The following AKAP13 variants were observed in gnomAD, a reference collection of about 807,000 sequenced individuals.
AKAP13 encodes A-kinase anchoring protein 13, also known as A-kinase anchor protein 13.
In AKAP13, 80 loss-of-function variants were observed where a neutral mutation model predicts 264.5. The observed-to-expected ratio is 0.30, with a 90% CI of 0.25 to 0.36. The LOEUF (loss-of-function observed/expected upper bound fraction) is 0.36, where lower values mean the gene tolerates loss of function less well. AKAP13 is among the 10% of genes least tolerant of loss of function. The pLI is 1.00. For synonymous variants in AKAP13, 1,380 were observed against 1,250.2 expected (o/e 1.10, Z -2.19); for missense variants, 3,712 against 3,435.2 (o/e 1.08, Z -2.01).
At chr15:85,732,764 G>T (rs1246685810) in intron 30 of AKAP13, among the ~76,000 whole-genome samples, 1 of 148,776 alleles carries the variant, frequency 6.7e-6, no homozygotes, top group Non-Finnish European at 1.5e-5. Flanking sequence ...AATTACTATT[G>T]CTAATACTGT....
In AKAP13 at chr15:85,715,882, T is replaced by A. The variant is rs772278609; in HGVS notation, c.5694T>A (p.Ser1898Arg). 24 of 1,612,712 alleles carry A rather than the reference T, an allele frequency of 1.5e-5. No individual in the cohort carries two copies. The highest frequency in any genetic ancestry group is 3.4e-5 in the Admixed American group (2 of 59,692). ...PIFANRRSQQ[S>R]VSLSKSVSIQ... Reference sequence around the variant, plus strand: ...TTGCCAATAGACGATCCCAGCAGAGTGTCTCGCTCTCCAAAAGTGTCTCCA... The same window carrying A: ...TTGCCAATAGACGATCCCAGCAGAGAGTCTCGCTCTCCAAAAGTGTCTCCA... The change falls in exon 20 of 37, where the codon AGT becomes AGA. Residue 1898 changes from serine to arginine, a missense_variant. Physicochemically the swap from Ser to Arg is moderately radical, Grantham distance 110. Transcript: ENST00000394518.
chr15:85,678,751 C>T (rs1481551226), intron 14 of AKAP13, among the ~76,000 whole-genome samples: 5 of 151,898 alleles, frequency 3.3e-5, no homozygotes, highest in African/African-American at 1.2e-4. Context: ...CACCTGTAGT[C>T]GCAGTTACTT....
Position 85,579,044 on chromosome 15 carries a change from G to T in AKAP13, c.976G>T (p.Asp326Tyr), listed in dbSNP as rs773251286. Residue 326 changes from aspartate (D) to tyrosine (Y), a missense_variant, in exon 7 of 37, where the codon GAC becomes TAC. By Grantham distance (160) the Asp-to-Tyr change is radical. Coordinates refer to ENST00000394518, the MANE Select transcript of AKAP13 (RefSeq NM_007200.5). ...TCTTCCCTGTGCACCGGAGCCCACG[G>T]ACCCTCAGCGACTTTCTTCTTCTGA... is the stretch of plus-strand genomic sequence containing the variant. ...QFLPCAPEPTDPQRLSSSEET... is the reference protein window; with the variant it reads ...QFLPCAPEPTYPQRLSSSEET... 1.2e-6 allele frequency: 2 copies of T among 1,614,146 alleles called. No individual in the cohort carries two copies. The highest frequency in any genetic ancestry group is 4.5e-5 in the East Asian group (2 of 44,876).
At chr15:85,542,911 G>A (rs1596479476) in intron 4 of AKAP13, among the ~76,000 whole-genome samples, 1 of 152,278 alleles carries the variant, frequency 6.6e-6, no homozygotes, top group South Asian at 2.1e-4. Context: ...TGAGGTGTTG[G>A]TATCTCACTT....
chr15:85,481,742 A>C (rs2151046601), intron 1 of AKAP13, among the ~76,000 whole-genome samples: 1 of 152,310 alleles, frequency 6.6e-6, no homozygotes, highest in Admixed American at 6.5e-5. Context: ...TCCTCTTCAC[A>C]GTCTTTAAAT....
At chr15:85,575,886 T>G (rs767383059) in intron 6 of AKAP13, among the ~76,000 whole-genome samples, 3 of 152,168 alleles carry the variant, frequency 2.0e-5, no homozygotes, top group Non-Finnish European at 4.4e-5. Flanking sequence ...CTTGGGGGTC[T>G]GAGGCAGGCA....
rs187510488 is a variant in AKAP13 at position 85,737,021 on chromosome 15, C to T, written c.7557+887C>T. 2.6e-3 allele frequency among the ~76,000 whole-genome samples: 389 copies of T among 147,588 alleles called. 1 individual carries two copies. The highest frequency in any genetic ancestry group is 8.5e-3 in the African/African-American group (338 of 39,758). The stretch of plus-strand genomic sequence containing the variant: ...GCAACCTCCATCTCCTGGATTCAAG[C>T]GATTCCCCTGCCTCAGCCTCCCGAG... On this transcript the variant is annotated intron_variant, in intron 33 of 36. Coordinates refer to ENST00000394518, the MANE Select transcript of AKAP13 (RefSeq NM_007200.5).
At chr15:85,387,188 T>G (rs2070610119) in intron 1 of AKAP13, among the ~76,000 whole-genome samples, 1 of 151,812 alleles carries the variant, frequency 6.6e-6, no homozygotes. Context: ...ATACAAAAAA[T>G]AGCTGGGCGT....
chr15:85,504,919 C>G (rs111390681), intron 2 of AKAP13, among the ~76,000 whole-genome samples: 5,377 of 152,006 alleles, frequency 0.035, 150 homozygotes, highest in Non-Finnish European at 0.057. Context: ...CCCTCTCCCC[C>G]TCTCCCCCTC....
intron 1 of AKAP13, among the ~76,000 whole-genome samples, chr15:85,473,050 A>T (rs1294518101): frequency 6.6e-6 from 1 of 152,232 alleles, no homozygotes; most frequent in Non-Finnish European, 1.5e-5. Context: ...GTGTTTCATA[A>T]AATCACTGTT....
intron 21 of AKAP13, 100 bp from the exon 22 acceptor site, chr15:85,717,907 G>A: frequency 8.6e-7 from 1 of 1,165,344 alleles, no homozygotes; most frequent in South Asian, 1.5e-5. Flanking sequence ...CTGTATTCAT[G>A]TGTCTTATGA....
chr15:85,640,115 G>A (rs1596844246), intron 9 of AKAP13, among the ~76,000 whole-genome samples: 1 of 152,174 alleles, frequency 6.6e-6, no homozygotes, highest in Admixed American at 6.5e-5. Context: ...CTCTAACTCT[G>A]TGTGATGTAA....
intron 8 of AKAP13, among the ~76,000 whole-genome samples, chr15:85,606,090 CT>C (rs369008646): frequency 1.8e-4 from 16 of 88,360 alleles, no homozygotes; most frequent in East Asian, 1.6e-3. Flanking sequence ...GTTTGATCTA[CT>C]TTTTTTTTTT....
chr15:85,385,365 A>G (rs7179977), intron 1 of AKAP13, among the ~76,000 whole-genome samples: 33,308 of 152,014 alleles, frequency 0.22, 4,658 homozygotes, highest in African/African-American at 0.38. Context: ...TTTAGTCTCT[A>G]TTTTTTCATT....
intron 1 of AKAP13, among the ~76,000 whole-genome samples, chr15:85,413,681 C>T (rs1412521899): frequency 6.6e-6 from 1 of 152,176 alleles, no homozygotes; most frequent in African/African-American, 2.4e-5. Context: ...ATCACGGTTT[C>T]AGCTCCGGAC....
At chr15:85,473,418 C>T (rs1226504277) in intron 1 of AKAP13, among the ~76,000 whole-genome samples, 4 of 152,102 alleles carry the variant, frequency 2.6e-5, no homozygotes, top group Admixed American at 6.6e-5. Flanking sequence ...TACTCTGGAC[C>T]GAGATTATAG....
chr15:85,602,329 C>G (rs1208036557), intron 8 of AKAP13, among the ~76,000 whole-genome samples: 1 of 151,902 alleles, frequency 6.6e-6, no homozygotes, highest in Non-Finnish European at 1.5e-5. Context: ...GCGTGCGTCA[C>G]CATGCCCAGC....
chr15:85,533,567 G>A lies in AKAP13; in HGVS notation c.182-17G>A, dbSNP rs780841317. 5 of 1,585,888 alleles carry A rather than the reference G, an allele frequency of 3.2e-6. No homozygotes were observed. Among genetic ancestry groups the A allele is most frequent in the Non-Finnish European group, 3.4e-6 (4 of 1,164,488 alleles). Reference sequence around the variant, plus strand: ...AGGCTCTAATACTGTTTTATTTGCTGCCTGTGTTTCCTTTAGGTCATGATT... The same window carrying A: ...AGGCTCTAATACTGTTTTATTTGCTACCTGTGTTTCCTTTAGGTCATGATT... On this transcript the variant is annotated splice_polypyrimidine_tract_variant and intron_variant, in intron 3 of 36. Coordinates refer to ENST00000394518, the MANE Select transcript of AKAP13 (RefSeq NM_007200.5).
chr15:85,567,941 G>GGTGTGTGTGTGTGTGTGTGT (rs57049395), intron 5 of AKAP13, among the ~76,000 whole-genome samples: 9 of 141,828 alleles, frequency 6.3e-5, no homozygotes, highest in Non-Finnish European at 1.2e-4. Context: ...AGCCCAAAGA[G>GGTGTGTGTGTGTGTGTGTGT]GTGTGTGTGT....
Sources: gnomAD v4.1 joint callset for allele counts (sites outside exome capture counted in the v4.1 genomes callset) on GRCh38, gnomAD v4.1.1 for gene constraint, MANE v1.5 for transcripts, NCBI Gene and HGNC (gene_info 2026-07-23, HGNC 2026-07-21) for gene names.